Variants in ANKRD28 observed in about 807,000 individuals in gnomAD.
ANKRD28 encodes the protein serine/threonine-protein phosphatase 6 regulatory ankyrin repeat subunit A.
ANKRD28 carries 44 observed loss-of-function variants against 126.5 expected under a neutral mutation model. The observed-to-expected ratio is 0.35, with a 90% CI of 0.27 to 0.45. The LOEUF (loss-of-function observed/expected upper bound fraction) is 0.45. ANKRD28 is among the 20% of genes least tolerant of loss of function. ANKRD28 has a pLI of 1.00. For synonymous variants in ANKRD28, 442 were observed against 468.5 expected, an observed-to-expected ratio of 0.94 and a Z score of 0.73; for missense variants, 1,110 against 1,316.6, an observed-to-expected ratio of 0.84 and a Z score of 2.43.
chr3:15,834,192 G>A (rs1165679570), intron 1 of ANKRD28, among the ~76,000 whole-genome samples: 2 of 152,026 alleles, frequency 1.3e-5, no homozygotes, highest in African/African-American at 4.8e-5. Context: ...TATAGTTTCA[G>A]GTCTTATGTT....
chr3:15,780,702 A>G (rs1346286657), intron 2 of ANKRD28, among the ~76,000 whole-genome samples: 3 of 152,190 alleles, frequency 2.0e-5, no homozygotes, highest in African/African-American at 7.2e-5. Flanking sequence ...AAGACAGCAT[A>G]GTATTGGCAT....
intron 8 of ANKRD28, among the ~76,000 whole-genome samples, chr3:15,717,044 A>T (rs560548268): frequency 6.6e-6 from 1 of 152,338 alleles, no homozygotes; most frequent in South Asian, 2.1e-4. Flanking sequence ...TCAGATTGAT[A>T]CCATTAATCT....
chr3:15,713,566 A>G lies in ANKRD28; in HGVS notation c.1151T>C (p.Leu384Pro), dbSNP rs760625769. ...HIAARYGHELLINTLITSGAD... is the reference protein window; with the variant it reads ...HIAARYGHELPINTLITSGAD... ...ACCACTTGTAATAAGAGTGTTGATC[A>G]GCAGCTCATGGCCATACCGTGCTGC... Residue 384 changes from leucine to proline, a missense_variant, in exon 10 of 28, where the codon CTG (leucine) becomes CCG (proline). Transcript: ENST00000683139. The G allele has an allele frequency of 2.5e-6, 4 of 1,611,618 alleles. No homozygotes were observed. Among genetic ancestry groups the G allele is most frequent in the Non-Finnish European group, 3.4e-6 (4 of 1,179,142 alleles).
Position 15,797,261 on chromosome 3 carries a change from T to C in ANKRD28, c.-740A>G, listed in dbSNP as rs1045333037. 2.0e-6 allele frequency: 2 copies of C among 983,288 alleles called. No homozygotes were observed. The highest frequency in any genetic ancestry group is 3.5e-5 in the African/African-American group (2 of 56,650). 60.9% of individuals were successfully genotyped at this position (983,288 alleles called of 1,614,324 possible). On this transcript the variant is annotated 5_prime_UTR_variant, in exon 1 of 28. The change abolishes an upstream ATG in the 5' untranslated region. Transcript: ENST00000683139. ...ATAGCAAAGCTGCAGTACGTTTACA[T>C]GTGATGAGTCAGACCACAAGAGACA...
chr3:15,753,449 T>TA (rs1280027169), intron 3 of ANKRD28, among the ~76,000 whole-genome samples: 24 of 152,264 alleles, frequency 1.6e-4, no homozygotes, highest in Admixed American at 9.8e-4. Context: ...TGGTTCTCTT[T>TA]AAGCCCTGTG....
At chr3:15,772,307 T>C (rs1004222311) in intron 2 of ANKRD28, among the ~76,000 whole-genome samples, 1 of 151,994 alleles carries the variant, frequency 6.6e-6, no homozygotes, top group East Asian at 1.9e-4. Context: ...GTCAGAATGA[T>C]CAAAGGAAAA....
chr3:15,712,027 A>C, intron 11 of ANKRD28, 113 bp downstream of exon 11: 1 of 805,330 alleles, frequency 1.2e-6, no homozygotes, highest in East Asian at 2.7e-5. Context: ...GGGGTTATTA[A>C]ATTATCCATA....
rs2066052585 is a variant in ANKRD28, at chr3:15,667,671, C to G, written c.*2599G>C. On this transcript the variant is annotated 3_prime_UTR_variant, in exon 28 of 28. Transcript: ENST00000683139. ...CATTTGAGACAGTACTTTGGGGTTT[C>G]CCTTCATTGGGTGCAGACCAAAGGA... is the stretch of plus-strand genomic sequence containing the variant. 6.6e-6 allele frequency: 1 copy of G among 152,180 alleles called. No homozygotes were observed. Among genetic ancestry groups the G allele is most frequent in the African/African-American group, 2.4e-5 (1 of 41,430 alleles). The allele number at this position is 152,180 out of a possible 1,614,324, so 9.4% of individuals were successfully genotyped here.
chr3:15,803,224 A>T (rs1291014342), intron 1 of ANKRD28, among the ~76,000 whole-genome samples: 1 of 152,256 alleles, frequency 6.6e-6, no homozygotes, highest in Non-Finnish European at 1.5e-5. Flanking sequence ...TTAAAGGGGT[A>T]GAAGAATGGA....
intron 1 of ANKRD28, among the ~76,000 whole-genome samples, chr3:15,827,136 G>C (rs1384991849): frequency 7.2e-5 from 11 of 152,126 alleles, no homozygotes. Flanking sequence ...CAAAGATGTG[G>C]AGAAAAGAGA....
intron 9 of ANKRD28, 31 bp downstream of exon 9, chr3:15,714,547 A>AAC (rs200662705): frequency 8.0e-5 from 117 of 1,463,626 alleles, no homozygotes; most frequent in Middle Eastern, 1.8e-4. Flanking sequence ...AAAAAAAAAA[A>AAC]CCCCAAAAAA....
At chr3:15,682,601 G>C (rs115212153) in intron 21 of ANKRD28, among the ~76,000 whole-genome samples, 285 of 152,288 alleles carry the variant, frequency 1.9e-3, no homozygotes, top group African/African-American at 6.4e-3. Context: ...AACTGAAATT[G>C]TGAACTTTTA....
intron 14 of ANKRD28, among the ~76,000 whole-genome samples, chr3:15,697,066 C>T (rs9811615): frequency 8.6e-5 from 13 of 151,842 alleles, no homozygotes; most frequent in Non-Finnish European, 1.6e-4. Context: ...CGAACGAGTG[C>T]GTAAAGAAAA....
In ANKRD28 at chr3:15,814,125, A is replaced by T; in HGVS notation, c.28-18819T>A. The T allele has an allele frequency of 2.9e-6, 1 of 342,548 alleles. No homozygotes were observed. Among genetic ancestry groups the T allele is most frequent in the Non-Finnish European group, 4.4e-6 (1 of 225,294 alleles). 21.2% of individuals were successfully genotyped at this position (342,548 alleles called of 1,614,324 possible). ...ACTTTTTGGCTGACACTAACTATTTACTCACATACAGTTATGTATGAAAGC... is the reference window on the plus strand; with the variant it reads ...ACTTTTTGGCTGACACTAACTATTTTCTCACATACAGTTATGTATGAAAGC... On this transcript the variant is annotated intron_variant, in intron 1 of 27. Coordinates refer to the ANKRD28 transcript ENST00000399451. This position sits in a 1 kb window ranked among gnomAD's most constrained non-coding sequence, Gnocchi z 4.7.
intron 9 of ANKRD28, 86 bp downstream of exon 9, chr3:15,714,492 T>A: frequency 1.1e-6 from 1 of 937,078 alleles, no homozygotes; most frequent in Non-Finnish European, 1.6e-6. Context: ...TGACAATTCC[T>A]CAATACCATT....
rs1402469518 is a variant in ANKRD28 at position 15,817,158 on chromosome 3, T to C, written c.28-21852A>G. 6.6e-6 allele frequency among the ~76,000 whole-genome samples: 1 copy of C among 152,226 alleles called. No individual in the cohort carries two copies. The highest frequency in any genetic ancestry group is 1.5e-5 in the Non-Finnish European group (1 of 68,028). ...GGCTGTGTCTCACTCATTTCATCAG[T>C]ATGTCCACTCTACGATTTTCCTTAA... On this transcript the variant is annotated intron_variant, in intron 1 of 27. Coordinates refer to the ANKRD28 transcript ENST00000399451. This position sits in a 1 kb window ranked among gnomAD's most constrained non-coding sequence, Gnocchi z 4.5.
intron 2 of ANKRD28, among the ~76,000 whole-genome samples, chr3:15,767,740 A>T (rs867620930): frequency 1.6e-5 from 2 of 121,340 alleles, no homozygotes; most frequent in Non-Finnish European, 1.7e-5. Flanking sequence ...AAAAAAAAAA[A>T]AGCCGCACGT....
Position 15,686,227 on chromosome 3 carries a change from A to T in ANKRD28, c.2046T>A (p.Asn682Lys). The change falls in exon 19 of 28, where the codon AAT becomes AAA. Residue 682 changes from asparagine to lysine, a missense_variant. Coordinates refer to ENST00000683139, the MANE Select transcript of ANKRD28 (RefSeq NM_001349278.2). ...AATTATTTATCGAAACTTACTGTCCATTTCCATCTTGAATATCCACTGCAT... is the reference window on the plus strand; with the variant it reads ...AATTATTTATCGAAACTTACTGTCCTTTTCCATCTTGAATATCCACTGCAT... ...PQNAVDIQDGNGQTPLMLSVL... is the reference protein window; with the variant it reads ...PQNAVDIQDGKGQTPLMLSVL... 6.3e-7 allele frequency: 1 copy of T among 1,591,296 alleles called. No individual in the cohort carries two copies. The highest frequency in any genetic ancestry group is 1.1e-5 in the South Asian group (1 of 87,730).
chr3:15,714,866 C>T (rs2072815404), intron 8 of ANKRD28, among the ~76,000 whole-genome samples: 1 of 151,988 alleles, frequency 6.6e-6, no homozygotes, highest in Non-Finnish European at 1.5e-5. Context: ...TACAAAAATT[C>T]CATGCTTACA....
Sources: gnomAD v4.1 joint callset for allele counts (sites outside exome capture counted in the v4.1 genomes callset) on GRCh38, gnomAD v4.1.1 for gene constraint, Gnocchi (gnomAD v3.1) non-coding constraint, MANE v1.5 for transcripts, NCBI Gene and HGNC (gene_info 2026-07-23, HGNC 2026-07-21) for gene names.